The following NFIC variants were observed in gnomAD, a reference collection of about 807,000 sequenced individuals.
NFIC encodes nuclear factor I C, also known as nuclear factor 1 C-type.
Under a neutral mutation model 54.4 loss-of-function variants are expected in NFIC, and 12 were observed. The observed-to-expected ratio is 0.22, with a 90% CI of 0.14 to 0.36. The LOEUF (loss-of-function observed/expected upper bound fraction) is 0.36, where lower values mean the gene tolerates loss of function less well. NFIC is among the 10% of genes least tolerant of loss of function. The pLI is 1.00. For missense variants in NFIC, 575 were observed against 718.2 expected (o/e 0.80, Z 2.28); for synonymous variants, 322 against 319.2 (o/e 1.01, Z -0.09).
chr19:3,420,785 C>T (rs931759394), intron 2 of NFIC, among the ~76,000 whole-genome samples: 5 of 151,792 alleles, frequency 3.3e-5, no homozygotes, highest in Admixed American at 6.6e-5. Flanking sequence ...GCAATTGGCC[C>T]GATCTGGGCT....
chr19:3,378,152 T>C (rs2081139844), intron 1 of NFIC, among the ~76,000 whole-genome samples: 1 of 151,156 alleles, frequency 6.6e-6, no homozygotes, highest in South Asian at 2.1e-4. Flanking sequence ...TCCCAGCTAC[T>C]CGGGAGGCTG....
intron 2 of NFIC, among the ~76,000 whole-genome samples, chr19:3,387,259 C>T (rs148000834): frequency 0.025 from 3,879 of 152,242 alleles, 151 homozygotes; most frequent in African/African-American, 0.088. Flanking sequence ...CCCAGCACTT[C>T]GGGAGGCCGA....
At chr19:3,366,018 C>CG (rs1210738154), upstream of NFIC, among the ~76,000 whole-genome samples, 2 of 149,902 alleles carry the variant, frequency 1.3e-5, no homozygotes, top group Non-Finnish European at 3.0e-5. Flanking sequence ...CCTCTGCGCA[C>CG]GTCACTTCTT....
In NFIC at chr19:3,380,420, G is replaced by A. The variant is rs577731450; in HGVS notation, c.31-1292G>A. Among the ~76,000 whole-genome samples the A allele has an allele frequency of 2.9e-4, 41 of 141,258 alleles. 1 individual carries two copies. The South Asian group carries it at 9.2e-3, about 32-fold the overall frequency. 92.7% of individuals were successfully genotyped at this position (141,258 alleles called of 152,430 possible). On this transcript the variant is annotated intron_variant, in intron 1 of 10. Transcript: ENST00000443272. ...AGCTCACTGCAACCTCTGCCTCCCA[G>A]GTTCAAGCGATTCTCCTGTCTCAGC...
chr19:3,425,041 C>T, intron 2 of NFIC, 65 bp from the exon 3 acceptor site: 1 of 1,564,298 alleles, frequency 6.4e-7, no homozygotes. Flanking sequence ...CCAGCATCGA[C>T]ACTTCATCTG....
rs1232351640 is a variant in NFIC, at chr19:3,466,074, T to C, written c.*3305T>C. The C allele has an allele frequency of 6.6e-6, 1 of 152,232 alleles. No homozygotes were observed. Among genetic ancestry groups the C allele is most frequent in the Non-Finnish European group, 1.5e-5 (1 of 68,040 alleles). 9.4% of individuals were successfully genotyped at this position (152,232 alleles called of 1,614,324 possible). ...CTGATATATGCAATATCTGTCTGTCTGTCTGTACCCATGGGCCTGGCTCAG... is the reference window on the plus strand; with the variant it reads ...CTGATATATGCAATATCTGTCTGTCCGTCTGTACCCATGGGCCTGGCTCAG... On this transcript the variant is annotated 3_prime_UTR_variant, in exon 11 of 11. Transcript: ENST00000443272. The surrounding 1 kb of genome is among the most constrained non-coding windows in gnomAD (Gnocchi z 4.8).
At chr19:3,434,999 G>A (rs929760696) in intron 5 of NFIC, 84 bp from the exon 6 acceptor site, 18 of 1,462,052 alleles carry the variant, frequency 1.2e-5, no homozygotes, top group Admixed American at 2.3e-5. Flanking sequence ...CTCACTTAAG[G>A]ACCGGAAGTA....
intron 7 of NFIC, among the ~76,000 whole-genome samples, chr19:3,451,910 A>G (rs2082469759): frequency 6.6e-6 from 1 of 151,986 alleles, no homozygotes. Context: ...TGAGGTCAGG[A>G]GTTCAAGACC....
chr19:3,467,172 C>T lies in NFIC; in HGVS notation c.*4403C>T, dbSNP rs1413556815. 1 of 149,310 alleles carries T rather than the reference C, an allele frequency of 6.7e-6. No individual in the cohort carries two copies. The highest frequency in any genetic ancestry group is 1.5e-5 in the Non-Finnish European group (1 of 67,372). The allele number at this position is 149,310 out of a possible 1,614,324, so 9.2% of individuals were successfully genotyped here. On this transcript the variant is annotated 3_prime_UTR_variant, in exon 11 of 11. Coordinates refer to ENST00000443272, the MANE Select transcript of NFIC (RefSeq NM_001245002.2). ...TTGTTCCACCCCCCTCTGGAAGCCCCCATCACCCACCCCTGCTATGGACAC... is the reference window on the plus strand; with the variant it reads ...TTGTTCCACCCCCCTCTGGAAGCCCTCATCACCCACCCCTGCTATGGACAC...
At chr19:3,435,399 C>G (rs917203344) in intron 6 of NFIC, among the ~76,000 whole-genome samples, 192 bp downstream of exon 6, 1 of 152,250 alleles carries the variant, frequency 6.6e-6, no homozygotes, top group African/African-American at 2.4e-5. Flanking sequence ...GTTCTCGGAT[C>G]TCTTTGGTTC....
intron 2 of NFIC, among the ~76,000 whole-genome samples, chr19:3,411,423 G>A (rs2081757753): frequency 6.7e-6 from 1 of 149,154 alleles, no homozygotes; most frequent in South Asian, 2.1e-4. Context: ...TGTCTCCCGG[G>A]TTCAAGCAAT....
intron 10 of NFIC, among the ~76,000 whole-genome samples, chr19:3,462,208 C>G (rs1321204278): frequency 5.3e-5 from 8 of 151,384 alleles, no homozygotes; most frequent in African/African-American, 9.7e-5. Context: ...ATGGTGAAAC[C>G]CCATCTCTAC....
chr19:3,398,460 C>G (rs1226438892), intron 2 of NFIC, among the ~76,000 whole-genome samples: 1 of 152,194 alleles, frequency 6.6e-6, no homozygotes, highest in Non-Finnish European at 1.5e-5. Flanking sequence ...GGTTGTGCAG[C>G]TTCAGGCTGC....
upstream of NFIC, among the ~76,000 whole-genome samples, chr19:3,365,880 C>A (rs982626248): frequency 3.9e-5 from 6 of 152,182 alleles, no homozygotes; most frequent in African/African-American, 1.4e-4. Context: ...TGCACACAAG[C>A]CCCTCTAGCT....
At chr19:3,437,635 C>CAAA (rs397860121) in intron 6 of NFIC, among the ~76,000 whole-genome samples, 5,912 of 76,466 alleles carry the variant, frequency 0.077, 184 homozygotes, top group Middle Eastern at 0.14. Context: ...GACTATGTCT[C>CAAA]AAAAAAAAAA....
At position 3,425,194 on chromosome 19, in the gene NFIC, C is replaced by T. The variant is rs200036551; in HGVS notation, c.634+17C>T. On this transcript the variant is annotated intron_variant, in intron 3 of 10. Transcript: ENST00000443272. ...TCACGCTGGGTGAGTCTGGGGGCAG[C>T]GTGGCGGTGAAGGGCGGAGGGCGCA... 31 of 1,606,020 alleles carry T rather than the reference C, an allele frequency of 1.9e-5. No homozygotes were observed. Among genetic ancestry groups the T allele is most frequent in the African/African-American group, 2.7e-5 (2 of 74,964 alleles).
chr19:3,396,570 G>A (rs1375622160), intron 2 of NFIC, among the ~76,000 whole-genome samples: 1 of 152,094 alleles, frequency 6.6e-6, no homozygotes, highest in Non-Finnish European at 1.5e-5. Flanking sequence ...CTACCACCAG[G>A]CGTCCCTTCT....
At chr19:3,363,267 A>ATT (rs1213596166), upstream of NFIC, among the ~76,000 whole-genome samples, 131 of 47,050 alleles carry the variant, frequency 2.8e-3, 1 homozygote, top group East Asian at 0.015. Flanking sequence ...ATATATATAT[A>ATT]TATTTTTTTT....
chr19:3,436,800 T>G (rs987504483), intron 6 of NFIC, among the ~76,000 whole-genome samples: 2 of 152,048 alleles, frequency 1.3e-5, no homozygotes, highest in African/African-American at 2.4e-5. Context: ...AGAAGCAGTA[T>G]AACATTAGGA....
Sources: allele counts gnomAD v4.1 joint callset (sites outside exome capture counted in the v4.1 genomes callset), GRCh38; gene constraint gnomAD v4.1.1; non-coding constraint Gnocchi (gnomAD v3.1); transcripts MANE v1.5; gene names NCBI Gene and HGNC (gene_info 2026-07-23, HGNC 2026-07-21).